Variants in GRID2 observed in about 807,000 individuals in gnomAD.
GRID2 encodes the protein glutamate receptor ionotropic, delta-2.
In GRID2, 33 loss-of-function variants were observed where a neutral mutation model predicts 114.8. The observed-to-expected ratio is 0.29, with a 90% CI of 0.22 to 0.38. GRID2 has a LOEUF of 0.38. GRID2 is among the 10% of genes least tolerant of loss of function. The pLI is 1.00. For synonymous variants in GRID2, 505 were observed against 449.9 expected, an observed-to-expected ratio of 1.12 and a Z score of -1.55; for missense variants, 1,184 against 1,257.7, an observed-to-expected ratio of 0.94 and a Z score of 0.89.
At chr4:93,361,057 C>CTT (rs1423856033) in intron 8 of GRID2, among the ~76,000 whole-genome samples, 5 of 151,488 alleles carry the variant, frequency 3.3e-5, no homozygotes, top group African/African-American at 1.2e-4. Flanking sequence ...ATACTGGCTT[C>CTT]TTTTTTCTTT....
rs115917416 is a variant in GRID2, at chr4:93,102,004, G to A, written c.530-8744G>A. Among the ~76,000 whole-genome samples, 353 of 152,082 alleles carry A rather than the reference G, an allele frequency of 2.3e-3. 1 individual carries two copies. The highest frequency in any genetic ancestry group is 8.1e-3 in the African/African-American group (335 of 41,502). ...TAAACTGGAAGCACCTCAAAGACAG[G>A]AACTGAGCCTTCATCTTCCTTATCA... On this transcript the variant is annotated intron_variant, in intron 3 of 15. Coordinates refer to ENST00000282020, the MANE Select transcript of GRID2 (RefSeq NM_001510.4).
At chr4:92,443,158 TAGGA>T (rs764537631) in intron 1 of GRID2, among the ~76,000 whole-genome samples, 14 of 152,108 alleles carry the variant, frequency 9.2e-5, no homozygotes, top group Non-Finnish European at 1.0e-4. Context: ...GCACAGAGAC[TAGGA>T]AGGGACTGAT....
At position 92,412,988 on chromosome 4, in the gene GRID2, T is replaced by C. The variant is rs1455713476; in HGVS notation, c.88+108244T>C. Among the ~76,000 whole-genome samples, 5 of 152,330 alleles carry C rather than the reference T, an allele frequency of 3.3e-5. No individual in the cohort carries two copies. The East Asian group carries it at 9.6e-4, about 29-fold the overall frequency. On this transcript the variant is annotated intron_variant, in intron 1 of 15. Coordinates refer to ENST00000282020, the MANE Select transcript of GRID2 (RefSeq NM_001510.4). ...TTCCTCTGTATTTCTCTTTACCAGA[T>C]ACATGTGTGCATATTTGTGTTTATT...
intron 10 of GRID2, among the ~76,000 whole-genome samples, chr4:93,437,099 A>G (rs111701223): frequency 2.2e-3 from 333 of 152,258 alleles, no homozygotes; most frequent in African/African-American, 7.5e-3. Context: ...CACAAAACCC[A>G]CAAGGAATTT....
At chr4:93,673,743 A>C (rs996742483) in intron 14 of GRID2, among the ~76,000 whole-genome samples, 8 of 152,174 alleles carry the variant, frequency 5.3e-5, no homozygotes, top group African/African-American at 1.9e-4. Flanking sequence ...CTAATCTTTT[A>C]TTAAGCACTG....
At chr4:92,646,032 T>C (rs1287014203) in intron 2 of GRID2, among the ~76,000 whole-genome samples, 5 of 151,790 alleles carry the variant, frequency 3.3e-5, no homozygotes, top group Non-Finnish European at 7.4e-5. Flanking sequence ...ATTTTCCATC[T>C]TGATTGCACT....
At chr4:92,643,288 T>C (rs139242603) in intron 2 of GRID2, among the ~76,000 whole-genome samples, 342 of 151,852 alleles carry the variant, frequency 2.3e-3, no homozygotes, top group African/African-American at 7.4e-3. Flanking sequence ...ACCAGTGTTT[T>C]ATAGTTCTTA....
At chr4:93,523,032 A>G (rs1238211179) in intron 13 of GRID2, among the ~76,000 whole-genome samples, 2 of 152,138 alleles carry the variant, frequency 1.3e-5, no homozygotes, top group Non-Finnish European at 2.9e-5. Flanking sequence ...GTGACCACTC[A>G]GTAACACTGA....
intron 4 of GRID2, among the ~76,000 whole-genome samples, chr4:93,130,984 A>G (rs17264265): frequency 0.35 from 52,620 of 151,736 alleles, 9,804 homozygotes; most frequent in Admixed American, 0.53. Flanking sequence ...CTCACATTGC[A>G]TTTAATCTTT....
intron 8 of GRID2, among the ~76,000 whole-genome samples, chr4:93,354,243 G>A (rs980050283): frequency 1.2e-4 from 18 of 151,946 alleles, no homozygotes; most frequent in South Asian, 8.3e-4. Context: ...ACTTGTTTTC[G>A]TTGAATTCAT....
intron 4 of GRID2, among the ~76,000 whole-genome samples, chr4:93,157,874 G>C (rs1579144854): frequency 6.6e-6 from 1 of 151,664 alleles, no homozygotes; most frequent in Admixed American, 6.6e-5. Flanking sequence ...TATCTTCTTT[G>C]CTTAAATTCA....
chr4:93,128,058 AAC>A (rs1181939861), intron 4 of GRID2, among the ~76,000 whole-genome samples: 3,143 of 104,834 alleles, frequency 0.03, 168 homozygotes, highest in African/African-American at 0.052. Context: ...AAAAAAAAAA[AAC>A]AACAGTACGT....
At chr4:93,107,170 G>A (rs1233215410) in intron 3 of GRID2, among the ~76,000 whole-genome samples, 1 of 152,094 alleles carries the variant, frequency 6.6e-6, no homozygotes, top group Non-Finnish European at 1.5e-5. Context: ...ATGGAGGTGT[G>A]CACCTGCAGT....
At chr4:93,413,242 A>G (rs1010887464) in intron 9 of GRID2, among the ~76,000 whole-genome samples, 1 of 152,174 alleles carries the variant, frequency 6.6e-6, no homozygotes, top group Non-Finnish European at 1.5e-5. Context: ...ATTTCTTCAC[A>G]GCCTTGCCAG....
chr4:92,559,566 C>T (rs7663643), intron 1 of GRID2, among the ~76,000 whole-genome samples: 61,559 of 151,906 alleles, frequency 0.41, 12,624 homozygotes, highest in African/African-American at 0.48. Context: ...TTCTTATCAA[C>T]TTCACCACTT....
At chr4:92,921,944 G>T (rs919648775) in intron 2 of GRID2, among the ~76,000 whole-genome samples, 16 of 152,310 alleles carry the variant, frequency 1.1e-4, no homozygotes, top group South Asian at 6.2e-4. Context: ...TGCCCCCAGA[G>T]GTGGAGTCTA....
intron 3 of GRID2, among the ~76,000 whole-genome samples, chr4:93,092,178 C>T (rs974348060): frequency 1.3e-5 from 2 of 152,008 alleles, no homozygotes; most frequent in Non-Finnish European, 2.9e-5. Context: ...TGGTAGAGAG[C>T]GAGGAAGATA....
chr4:92,807,590 C>T (rs1045479006), intron 2 of GRID2, among the ~76,000 whole-genome samples: 3 of 151,872 alleles, frequency 2.0e-5, no homozygotes, highest in African/African-American at 7.2e-5. Flanking sequence ...AAAAGCACTA[C>T]CAAAAGAGAT....
chr4:93,769,517 T>C (rs1453654730), intron 15 of GRID2, 67 bp downstream of exon 15: 2 of 1,506,716 alleles, frequency 1.3e-6, no homozygotes, highest in Non-Finnish European at 1.8e-6. Context: ...GGGAGGACCA[T>C]CCCAGGGAGG....
Sources: allele counts gnomAD v4.1 joint callset (sites outside exome capture counted in the v4.1 genomes callset), GRCh38; gene constraint gnomAD v4.1.1; transcripts MANE v1.5; gene names NCBI Gene and HGNC (gene_info 2026-07-23, HGNC 2026-07-21).